Variants in STT3A observed in about 807,000 individuals in gnomAD.
The protein encoded by STT3A is dolichyl-diphosphooligosaccharide--protein glycosyltransferase subunit STT3A.
A neutral mutation model predicts 89.2 loss-of-function variants in STT3A; 34 were observed. The observed-to-expected ratio is 0.38, with a 90% confidence interval of 0.29 to 0.51. The LOEUF is 0.51. STT3A is among the 20% of genes least tolerant of loss of function. The pLI is 0.89. For synonymous variants in STT3A, 282 were observed against 310.3 expected (o/e 0.91, Z 0.96); for missense variants, 555 against 889.5 (o/e 0.62, Z 4.78).
At chr11:125,596,741 A>G (rs1052310725) in intron 2 of STT3A, among the ~76,000 whole-genome samples, 1 of 152,154 alleles carries the variant, frequency 6.6e-6, no homozygotes, top group Non-Finnish European at 1.5e-5. Context: ...TTATGTGTGT[A>G]TGGTGGGGGA....
chr11:125,605,572 C>G, intron 6 of STT3A, 57 bp from the exon 7 acceptor site: 1 of 1,314,022 alleles, frequency 7.6e-7, no homozygotes, highest in Non-Finnish European at 1.1e-6. Context: ...GAACAGTATT[C>G]TTAATGACTA....
Position 125,614,472 on chromosome 11 carries a change from G to C in STT3A, c.1774+46G>C. The C allele has an allele frequency of 6.5e-7, 1 of 1,540,798 alleles. No homozygotes were observed. The highest frequency in any genetic ancestry group is 8.9e-7 in the Non-Finnish European group (1 of 1,121,286). On this transcript the variant is annotated intron_variant, in intron 15 of 17. Coordinates refer to ENST00000392708, the MANE Select transcript of STT3A (RefSeq NM_152713.5). The surrounding 1 kb of genome is among the most constrained non-coding windows in gnomAD (Gnocchi z 4.9). Reference sequence around the variant, plus strand: ...TCTAGCTGCAGGACATAGATTCTAAGAAAACTAGATGAATATCCTAGTTTT... The same window carrying C: ...TCTAGCTGCAGGACATAGATTCTAACAAAACTAGATGAATATCCTAGTTTT...
rs75243275 is a variant in STT3A, at chr11:125,602,166, T to C, written c.150-137T>C. On this transcript the variant is annotated intron_variant, in intron 3 of 17. Transcript: ENST00000392708. ...GAGATAGAAGTAAACAGACTTATGG[T>C]AGTGTAAAATGATTTTCATGGCATA... The C allele has an allele frequency of 0.072, 69,450 of 966,282 alleles. 3,454 individuals carry two copies. Among genetic ancestry groups the C allele is most frequent in the African/African-American group, 0.22 (13,364 of 59,874 alleles). The allele number at this position is 966,282 out of a possible 1,614,324, so 59.9% of individuals were successfully genotyped here. A position where few individuals can be genotyped will look rare whatever the true frequency, so the allele number is the denominator to read the frequency against.
intron 16 of STT3A, 99 bp from the exon 17 acceptor site, chr11:125,619,912 A>C (rs1034718685): frequency 1.5e-5 from 15 of 1,010,064 alleles, no homozygotes; most frequent in Non-Finnish European, 2.2e-5. Flanking sequence ...AGGCTGAGGA[A>C]TAATCATCAA....
At chr11:125,600,199 C>T (rs1165372598) in intron 3 of STT3A, among the ~76,000 whole-genome samples, 5 of 151,888 alleles carry the variant, frequency 3.3e-5, no homozygotes, top group Admixed American at 1.3e-4. Flanking sequence ...TACAGGCATG[C>T]GCCACCACGC....
At chr11:125,620,514 A>G (rs1042019681) in intron 17 of STT3A, among the ~76,000 whole-genome samples, 3 of 152,216 alleles carry the variant, frequency 2.0e-5, no homozygotes, top group African/African-American at 4.8e-5. Flanking sequence ...ACATAGGAGT[A>G]TATCTCTCAT....
At chr11:125,598,543 C>A (rs79588668) in intron 3 of STT3A, among the ~76,000 whole-genome samples, 10,558 of 152,178 alleles carry the variant, frequency 0.069, 401 homozygotes, top group Middle Eastern at 0.099. Context: ...ACAAATAATT[C>A]TGTTTGGGGC....
chr11:125,603,395 A>G (rs1349572687), intron 5 of STT3A: 1 of 157,328 alleles, frequency 6.4e-6, no homozygotes, highest in African/African-American at 2.4e-5. Context: ...AGTAGACTCC[A>G]TAATGCTGAC....
upstream of STT3A, chr11:125,592,342 A>C (rs1194496618): frequency 4.4e-6 from 2 of 454,388 alleles, no homozygotes; most frequent in Admixed American, 4.7e-5. Flanking sequence ...TCCGCGTTTG[A>C]GTTTTAATTG....
intron 6 of STT3A, among the ~76,000 whole-genome samples, chr11:125,605,277 T>C (rs1361558361): frequency 6.6e-6 from 1 of 152,082 alleles, no homozygotes; most frequent in Non-Finnish European, 1.5e-5. Flanking sequence ...TGTTAAGACA[T>C]AGAGGCAGGA....
At chr11:125,608,052 A>G (rs530468295) in intron 8 of STT3A, 57 bp from the exon 9 acceptor site, 3 of 1,515,974 alleles carry the variant, frequency 2.0e-6, no homozygotes, top group South Asian at 1.3e-5. Flanking sequence ...GCAGGCCTGC[A>G]CTGGACTTAC....
In STT3A at chr11:125,609,422, CTT is replaced by C; in HGVS notation, c.962-10_962-9del. 1 of 1,595,530 alleles carries C rather than the reference CTT, an allele frequency of 6.3e-7. No individual in the cohort carries two copies. The highest frequency in any genetic ancestry group is 8.5e-7 in the Non-Finnish European group (1 of 1,172,544). On this transcript the variant is annotated splice_polypyrimidine_tract_variant and intron_variant, in intron 9 of 17. Coordinates refer to ENST00000392708, the MANE Select transcript of STT3A (RefSeq NM_152713.5). ...AGTGTGTGTGGAATATTTATTGCCT[CTT>C]TGCTGCTAGGAAAAATATCTCCCTG...
intron 17 of STT3A, 78 bp downstream of exon 17, chr11:125,620,204 T>C (rs1208580733): frequency 2.6e-6 from 3 of 1,161,604 alleles, no homozygotes; most frequent in Non-Finnish European, 3.7e-6. Flanking sequence ...ATGGGACATA[T>C]ATTTCTCAAA....
chr11:125,600,819 C>T (rs1939649979), intron 3 of STT3A, among the ~76,000 whole-genome samples: 1 of 152,126 alleles, frequency 6.6e-6, no homozygotes, highest in South Asian at 2.1e-4. Flanking sequence ...AAGGGTCTTG[C>T]TCTGTTGCCC....
intron 17 of STT3A, 86 bp from the exon 18 acceptor site, chr11:125,620,686 C>G: frequency 7.7e-7 from 1 of 1,297,352 alleles, no homozygotes; most frequent in Non-Finnish European, 1.1e-6. Context: ...CATAATCCTG[C>G]CCACTCTGGG....
intron 1 of STT3A, chr11:125,593,640 A>G (rs1000057998): frequency 1.3e-5 from 2 of 152,214 alleles, no homozygotes; most frequent in African/African-American, 4.8e-5. Context: ...TATTTCAGGC[A>G]TTCCAGAAAA....
At position 125,613,819 on chromosome 11, in the gene STT3A, C is replaced by T. The variant is rs1202539250; in HGVS notation, c.1555-268C>T. 1 of 388,616 alleles carries T rather than the reference C, an allele frequency of 2.6e-6. No homozygotes were observed. The allele number at this position is 388,616 out of a possible 1,614,324, so 24.1% of individuals were successfully genotyped here. The stretch of plus-strand genomic sequence containing the variant: ...TGGCTACATTGCACAGTCTCCCACA[C>T]CTCCCACCCCATTATGTTAGTATAA... On this transcript the variant is annotated intron_variant, in intron 13 of 17. Transcript: ENST00000392708. The surrounding 1 kb of genome is among the most constrained non-coding windows in gnomAD (Gnocchi z 4.2).
In STT3A at chr11:125,618,572, C is replaced by G; in HGVS notation, c.1963+11C>G. On this transcript the variant is annotated intron_variant, in intron 16 of 17. Coordinates refer to ENST00000392708, the MANE Select transcript of STT3A (RefSeq NM_152713.5). ...TTTACACAGAAGCCAGTGAGTGACT[C>G]ATAATAATATTAATAACAGTAGTAA... 2 of 1,606,758 alleles carry G rather than the reference C, an allele frequency of 1.2e-6. No individual in the cohort carries two copies. Among genetic ancestry groups the G allele is most frequent in the Non-Finnish European group, 1.7e-6 (2 of 1,177,486 alleles).
intron 3 of STT3A, among the ~76,000 whole-genome samples, chr11:125,599,369 T>G (rs12280233): frequency 0.11 from 16,116 of 152,224 alleles, 1,237 homozygotes; most frequent in African/African-American, 0.22. Flanking sequence ...TTATCCATAG[T>G]AATTAAACTG....
Sources: gnomAD v4.1 joint callset for allele counts (sites outside exome capture counted in the v4.1 genomes callset) on GRCh38, gnomAD v4.1.1 for gene constraint, Gnocchi (gnomAD v3.1) non-coding constraint, MANE v1.5 for transcripts, NCBI Gene and HGNC (gene_info 2026-07-23, HGNC 2026-07-21) for gene names.